The following NRXN3 variants were observed in gnomAD, a reference collection of about 807,000 sequenced individuals.
NRXN3 encodes neurexin III.
Under a neutral mutation model 137.6 loss-of-function variants are expected in NRXN3, and 32 were observed. The observed-to-expected ratio is 0.23, with a 90% CI of 0.18 to 0.31. NRXN3 has a LOEUF of 0.31. NRXN3 is among the 10% of genes least tolerant of loss of function. NRXN3 has a pLI of 1.00. For synonymous variants in NRXN3, 798 were observed against 784.5 expected (o/e 1.02, Z -0.29); for missense variants, 1,574 against 2,062.5 (o/e 0.76, Z 4.59).
At chr14:78,521,203 A>G (rs2096279322) in intron 4 of NRXN3, among the ~76,000 whole-genome samples, 2 of 151,962 alleles carry the variant, frequency 1.3e-5, no homozygotes, top group African/African-American at 4.8e-5. Flanking sequence ...TTTCACCGTC[A>G]TTTATTTCTG....
At chr14:79,559,572 TATAATA>T (rs375608686) in intron 16 of NRXN3, among the ~76,000 whole-genome samples, 2 of 152,134 alleles carry the variant, frequency 1.3e-5, no homozygotes, top group East Asian at 3.9e-4. Flanking sequence ...CCATAACAGA[TATAATA>T]ATAATGAAAA....
intron 9 of NRXN3, 102 bp from the exon 10 acceptor site, chr14:78,810,215 AC>A (rs745339889): frequency 8.6e-5 from 60 of 697,120 alleles, no homozygotes; most frequent in Admixed American, 2.8e-4. Context: ...CACATTTCTT[AC>A]GTGTGTCTGT....
chr14:79,621,346 G>T (rs182214532), intron 16 of NRXN3, among the ~76,000 whole-genome samples: 1 of 152,262 alleles, frequency 6.6e-6, no homozygotes, highest in Admixed American at 6.5e-5. Context: ...CAAAGATAAA[G>T]ATGTGAAGAA....
At chr14:78,526,779 G>A (rs1422485097) in intron 4 of NRXN3, 1 of 517,458 alleles carries the variant, frequency 1.9e-6, no homozygotes, top group Non-Finnish European at 3.9e-6. Flanking sequence ...AGCTGAGTTG[G>A]ACTAAGTGAA....
At chr14:78,484,029 G>C (rs12587287) in intron 4 of NRXN3, among the ~76,000 whole-genome samples, 20,422 of 105,624 alleles carry the variant, frequency 0.19, 1,548 homozygotes, top group East Asian at 0.28. Context: ...CACACACACA[G>C]AGAGAGAGAG....
chr14:78,362,303 A>T (rs376089022), intron 4 of NRXN3, among the ~76,000 whole-genome samples: 1 of 109,476 alleles, frequency 9.1e-6, no homozygotes, highest in Non-Finnish European at 1.8e-5. Flanking sequence ...TTTGAAACAC[A>T]TTTTTTTTTT....
At chr14:79,621,637 C>G (rs2098225791) in intron 16 of NRXN3, among the ~76,000 whole-genome samples, 1 of 152,186 alleles carries the variant, frequency 6.6e-6, no homozygotes, top group Non-Finnish European at 1.5e-5. Flanking sequence ...CTTCTGTGCA[C>G]AGAACTCTTG....
chr14:79,225,591 T>C (rs1164351445), intron 15 of NRXN3, among the ~76,000 whole-genome samples: 3 of 152,196 alleles, frequency 2.0e-5, no homozygotes, highest in African/African-American at 7.2e-5. Flanking sequence ...AAGTCCATTA[T>C]GGGTTGCACT....
chr14:79,095,043 A>G (rs2050036955), intron 15 of NRXN3, among the ~76,000 whole-genome samples: 2 of 151,534 alleles, frequency 1.3e-5, no homozygotes, highest in South Asian at 2.1e-4. Context: ...ATCAAAATGG[A>G]CAGGTCATTT....
intron 15 of NRXN3, among the ~76,000 whole-genome samples, chr14:79,008,868 A>G (rs998324429): frequency 9.9e-5 from 15 of 152,046 alleles, no homozygotes; most frequent in Admixed American, 2.6e-4. Context: ...CATCTTGGCC[A>G]GGCTGGTCTT....
At chr14:78,400,960 G>A (rs988650728) in intron 4 of NRXN3, among the ~76,000 whole-genome samples, 1 of 152,088 alleles carries the variant, frequency 6.6e-6, no homozygotes, top group Non-Finnish European at 1.5e-5. Flanking sequence ...TCACAGTTCT[G>A]GAGGCTGAGA....
At chr14:78,518,815 A>G (rs985513218) in intron 4 of NRXN3, among the ~76,000 whole-genome samples, 1 of 152,144 alleles carries the variant, frequency 6.6e-6, no homozygotes, top group Non-Finnish European at 1.5e-5. Context: ...CCTACACCAA[A>G]GCATACCCCA....
chr14:78,361,002 C>T lies in NRXN3; in HGVS notation c.757+63142C>T, dbSNP rs117285391. Among the ~76,000 whole-genome samples the T allele has an allele frequency of 3.2e-3, 492 of 152,310 alleles. 2 individuals are homozygous for T. The highest frequency in any genetic ancestry group is 4.7e-3 in the Non-Finnish European group (318 of 68,022). Reference sequence around the variant, plus strand: ...CCCCAGTGGTTCTCAGCTGATGCTCCTCAGCCAACTTGGATTCACTGATTT... The same window carrying T: ...CCCCAGTGGTTCTCAGCTGATGCTCTTCAGCCAACTTGGATTCACTGATTT... On this transcript the variant is annotated intron_variant, in intron 4 of 20. Coordinates refer to ENST00000335750, the MANE Select transcript of NRXN3 (RefSeq NM_001330195.2).
intron 15 of NRXN3, among the ~76,000 whole-genome samples, chr14:79,401,652 G>C (rs1030982536): frequency 3.9e-5 from 6 of 152,136 alleles, no homozygotes; most frequent in Admixed American, 6.5e-5. Flanking sequence ...TGAGAAAACA[G>C]TAACAATTTG....
chr14:78,457,903 G>A (rs753178880), intron 4 of NRXN3, among the ~76,000 whole-genome samples: 1 of 152,174 alleles, frequency 6.6e-6, no homozygotes, highest in Admixed American at 6.5e-5. Context: ...CATGGGTGAT[G>A]TGGTAAGGGC....
chr14:79,024,519 A>G (rs1024915919), intron 15 of NRXN3, among the ~76,000 whole-genome samples: 1 of 152,176 alleles, frequency 6.6e-6, no homozygotes, highest in Non-Finnish European at 1.5e-5. Context: ...GAACAGCTGA[A>G]TTAGGTATTA....
At chr14:78,933,556 T>C (rs891736032) in intron 10 of NRXN3, among the ~76,000 whole-genome samples, 1 of 152,242 alleles carries the variant, frequency 6.6e-6, no homozygotes, top group Non-Finnish European at 1.5e-5. Context: ...GTTTTTTAAT[T>C]GACTTATAAA....
intron 15 of NRXN3, among the ~76,000 whole-genome samples, chr14:79,406,354 C>A (rs932118764): frequency 3.3e-5 from 5 of 151,496 alleles, no homozygotes; most frequent in African/African-American, 4.9e-5. Flanking sequence ...ACCCAGGCTG[C>A]AGTACAGTGA....
At chr14:79,428,474 T>C (rs2095692105) in intron 15 of NRXN3, among the ~76,000 whole-genome samples, 1 of 152,104 alleles carries the variant, frequency 6.6e-6, no homozygotes, top group Admixed American at 6.6e-5. Flanking sequence ...CAGGATGAAC[T>C]CGGTTTAAAG....
Sources: gnomAD v4.1 joint callset for allele counts (sites outside exome capture counted in the v4.1 genomes callset) on GRCh38, gnomAD v4.1.1 for gene constraint, MANE v1.5 for transcripts, NCBI Gene and HGNC (gene_info 2026-07-23, HGNC 2026-07-21) for gene names.